Variants in TNFAIP8L3 observed in about 807,000 individuals in gnomAD.
TNFAIP8L3 encodes the protein tumor necrosis factor alpha-induced protein 8-like protein 3.
Under a neutral mutation model 11.8 loss-of-function variants are expected in TNFAIP8L3, and 7 were observed. That is an observed-to-expected ratio of 0.59 (90% CI 0.34 to 1.11). The LOEUF (loss-of-function observed/expected upper bound fraction) is 1.11, where lower values mean the gene tolerates loss of function less well. Among genes scored for constraint, TNFAIP8L3 ranks in the 50% most tolerant of loss-of-function variants. TNFAIP8L3 has a pLI of 0.03. For synonymous variants in TNFAIP8L3, 98 were observed against 103.8 expected, an observed-to-expected ratio of 0.94 and a Z score of 0.34; for missense variants, 219 against 258.6, an observed-to-expected ratio of 0.85 and a Z score of 1.05.
At chr15:51,070,197 G>A (rs2065299223) in intron 1 of TNFAIP8L3, among the ~76,000 whole-genome samples, 2 of 152,216 alleles carry the variant, frequency 1.3e-5, no homozygotes, top group African/African-American at 4.8e-5. Flanking sequence ...TACTTGTGAA[G>A]CCACTGGGGG....
chr15:51,094,963 A>T (rs1348511584), upstream of TNFAIP8L3, among the ~76,000 whole-genome samples: 2 of 151,580 alleles, frequency 1.3e-5, no homozygotes, highest in African/African-American at 4.8e-5. This position sits in a 1 kb window ranked among gnomAD's most constrained non-coding sequence, Gnocchi z 4.4. Context: ...GCGCCTCCCT[A>T]CCCGCGCCCT....
At chr15:51,079,512 G>A (rs1370967675) in intron 1 of TNFAIP8L3, among the ~76,000 whole-genome samples, 1 of 152,092 alleles carries the variant, frequency 6.6e-6, no homozygotes, top group Non-Finnish European at 1.5e-5. Flanking sequence ...TTATTGAAAT[G>A]CATTCACACT....
chr15:51,059,447 TTGA>T (rs2065228667), intron 1 of TNFAIP8L3, among the ~76,000 whole-genome samples: 1 of 152,206 alleles, frequency 6.6e-6, no homozygotes, highest in East Asian at 1.9e-4. Flanking sequence ...CATCTTACAA[TTGA>T]TGGTGTTTTG....
chr15:51,099,084 A>G (rs2065532475), upstream of TNFAIP8L3, among the ~76,000 whole-genome samples: 1 of 152,256 alleles, frequency 6.6e-6, no homozygotes, highest in African/African-American at 2.4e-5. Flanking sequence ...ATATATCCCA[A>G]GACTTTAAGG....
Position 51,057,766 on chromosome 15 carries a change from G to C in TNFAIP8L3, c.*115C>G. 2.2e-6 allele frequency: 2 copies of C among 920,540 alleles called. No homozygotes were observed. The highest frequency in any genetic ancestry group is 3.3e-6 in the Non-Finnish European group (2 of 615,284). 57.0% of individuals were successfully genotyped at this position (920,540 alleles called of 1,614,324 possible). A position where few individuals can be genotyped will look rare whatever the true frequency, so the allele number is the denominator to read the frequency against. On this transcript the variant is annotated 3_prime_UTR_variant, in exon 2 of 2. Transcript: ENST00000637513. The stretch of plus-strand genomic sequence containing the variant: ...AGAATCAGCATCAGAGGGATGAACA[G>C]GAAAGAACATGGACATCTTTGACAA...
chr15:51,076,684 C>T (rs2065352712), intron 1 of TNFAIP8L3, among the ~76,000 whole-genome samples: 1 of 152,112 alleles, frequency 6.6e-6, no homozygotes, highest in South Asian at 2.1e-4. Context: ...AGTCCTGGTC[C>T]TGACTTTTGC....
At chr15:51,102,163 T>C (rs1266945112) in intron 1 of TNFAIP8L3, among the ~76,000 whole-genome samples, 1 of 151,930 alleles carries the variant, frequency 6.6e-6, no homozygotes, top group African/African-American at 2.4e-5. Flanking sequence ...AAGGAAATGA[T>C]GTGTCCAAGT....
At chr15:51,081,335 G>A (rs1207137191) in intron 1 of TNFAIP8L3, among the ~76,000 whole-genome samples, 9 of 152,126 alleles carry the variant, frequency 5.9e-5, no homozygotes, top group African/African-American at 2.2e-4. Context: ...GCCCATGGGG[G>A]GCCCAGCTTT....
rs1215082395 is a variant in TNFAIP8L3, at chr15:51,056,732, C to A, written c.*1149G>T. 1 of 152,012 alleles carries A rather than the reference C, an allele frequency of 6.6e-6. No homozygotes were observed. 9.4% of individuals were successfully genotyped at this position (152,012 alleles called of 1,614,324 possible). On this transcript the variant is annotated 3_prime_UTR_variant, in exon 2 of 2. Coordinates refer to ENST00000637513, the MANE Select transcript of TNFAIP8L3 (RefSeq NM_001311175.2). ...ATATGGAATAAAGCCTCCCTGAGCT[C>A]CATGCCCCTTAGATAAGGGAAGGCT...
chr15:51,103,656 G>A (rs2065569266), intron 1 of TNFAIP8L3, among the ~76,000 whole-genome samples: 1 of 152,192 alleles, frequency 6.6e-6, no homozygotes, highest in African/African-American at 2.4e-5. Context: ...CATATTTCCA[G>A]TTAGTTGTAC....
intron 1 of TNFAIP8L3, among the ~76,000 whole-genome samples, chr15:51,070,937 G>T (rs2065304130): frequency 6.9e-6 from 1 of 145,984 alleles, no homozygotes; most frequent in Non-Finnish European, 1.5e-5. Context: ...TGTAGTCCCA[G>T]CTACTTGGGA....
rs372237970 is a variant in TNFAIP8L3 at position 51,058,357 on chromosome 15, T to C, written c.139A>G (p.Met47Val). Residue 47 changes from methionine to valine, a missense_variant, in exon 2 of 2, where the codon ATG becomes GTG. Physicochemically the swap from Met to Val is conservative, Grantham distance 21. Transcript: ENST00000637513. ...SKIASKTVAN[M>V]LIDDTSSEIF... ...TCGCTGCTGGTGTCATCAATCAACA[T>C]GTTGGCCACAGTTTTGCTGGCTATT... The C allele has an allele frequency of 3.1e-6, 5 of 1,614,058 alleles. No individual in the cohort carries two copies. The Admixed American group carries it at 5.0e-5, about 16-fold the overall frequency.
chr15:51,093,022 GCT>G (rs1411835395), intron 1 of TNFAIP8L3, among the ~76,000 whole-genome samples: 1 of 152,156 alleles, frequency 6.6e-6, no homozygotes, highest in Non-Finnish European at 1.5e-5. Context: ...TCCCGCTTGC[GCT>G]CTCGAAATAG....
upstream of TNFAIP8L3, among the ~76,000 whole-genome samples, chr15:51,095,207 GATGAGGGAAGGGGGGCGGGGA>G (rs2065504644): frequency 2.1e-5 from 3 of 139,982 alleles, no homozygotes; most frequent in African/African-American, 7.8e-5. Context: ...TCACTAGGAA[GATGAGGGAAGGGGGGCGGGGA>G]ATAAGGGAAG....
At chr15:51,068,824 C>T (rs889747499) in intron 1 of TNFAIP8L3, among the ~76,000 whole-genome samples, 7 of 151,922 alleles carry the variant, frequency 4.6e-5, no homozygotes, top group Admixed American at 2.0e-4. Flanking sequence ...TGCGCCACCA[C>T]GCCTGGCTAA....
intron 1 of TNFAIP8L3, among the ~76,000 whole-genome samples, chr15:51,104,241 C>G (rs16964048): frequency 0.17 from 26,207 of 152,020 alleles, 2,299 homozygotes; most frequent in Middle Eastern, 0.27. Flanking sequence ...TCCACGGGCT[C>G]CCTCCTCCCA....
chr15:51,099,844 C>A (rs1271424044), upstream of TNFAIP8L3, among the ~76,000 whole-genome samples: 1 of 152,186 alleles, frequency 6.6e-6, no homozygotes, highest in African/African-American at 2.4e-5. Context: ...CAACTAGAGT[C>A]TTTGTGGTTT....
At chr15:51,089,716 T>C (rs2065453743) in intron 1 of TNFAIP8L3, among the ~76,000 whole-genome samples, 1 of 152,210 alleles carries the variant, frequency 6.6e-6, no homozygotes, top group African/African-American at 2.4e-5. Context: ...GCAAAGTTCT[T>C]AGGAGGTTCC....
chr15:51,100,937 G>A (rs1016739693), intron 1 of TNFAIP8L3, among the ~76,000 whole-genome samples: 5 of 152,208 alleles, frequency 3.3e-5, no homozygotes, highest in African/African-American at 9.6e-5. Flanking sequence ...GTATGGAAAA[G>A]GGGCTGACCC....
Sources: allele counts gnomAD v4.1 joint callset (sites outside exome capture counted in the v4.1 genomes callset), GRCh38; gene constraint gnomAD v4.1.1; non-coding constraint Gnocchi (gnomAD v3.1); transcripts MANE v1.5; gene names NCBI Gene and HGNC (gene_info 2026-07-23, HGNC 2026-07-21).